The following SYNDIG1 variants were observed in gnomAD, a reference collection of about 807,000 sequenced individuals.
SYNDIG1 encodes the protein synapse differentiation-inducing gene protein 1.
SYNDIG1 carries 9 observed loss-of-function variants against 19.4 expected under a neutral mutation model. The ratio of observed to expected loss-of-function variants is 0.46; its 90% CI spans 0.28 to 0.81. The LOEUF is 0.81. Among genes scored for constraint, SYNDIG1 ranks in the 30% least tolerant of loss-of-function variants. SYNDIG1 has a pLI of 0.12. For missense variants in SYNDIG1, 311 were observed against 343.3 expected (o/e 0.91, Z 0.74); for synonymous variants, 141 against 145.9 (o/e 0.97, Z 0.24).
chr20:24,621,385 A>G (rs997329951), intron 3 of SYNDIG1, among the ~76,000 whole-genome samples: 8 of 152,240 alleles, frequency 5.3e-5, no homozygotes, highest in African/African-American at 9.6e-5. Context: ...GTAAACACCA[A>G]TTTGGCATTC....
intron 3 of SYNDIG1, among the ~76,000 whole-genome samples, chr20:24,648,926 TA>T (rs2059444943): frequency 1.3e-5 from 2 of 152,252 alleles, no homozygotes; most frequent in African/African-American, 4.8e-5. Context: ...TATTCAGTTA[TA>T]TCTTGGATAT....
In SYNDIG1 at chr20:24,543,215, G is replaced by T. The variant is rs757683807; in HGVS notation, c.118G>T (p.Val40Leu). ...NLMAESRDGL[V>L]SVYPAPQYQS... ...GATGGCCGAGAGCAGAGATGGTCTG[G>T]TGTCTGTTTACCCAGCGCCCCAGTA... is the stretch of plus-strand genomic sequence containing the variant. Residue 40 changes from valine (V) to leucine (L), a missense_variant, in exon 2 of 4, where the codon GTG (valine) becomes TTG (leucine). By Grantham distance (32) the Val-to-Leu change is conservative. Coordinates refer to ENST00000376862, the MANE Select transcript of SYNDIG1 (RefSeq NM_024893.3). 98 of 1,613,894 alleles carry T rather than the reference G, an allele frequency of 6.1e-5. No individual in the cohort carries two copies. The highest frequency in any genetic ancestry group is 7.8e-5 in the Non-Finnish European group (92 of 1,180,044).
At chr20:24,509,811 A>AT (rs1432828028) in intron 1 of SYNDIG1, among the ~76,000 whole-genome samples, 3 of 152,218 alleles carry the variant, frequency 2.0e-5, no homozygotes, top group Non-Finnish European at 4.4e-5. Context: ...GTTTGGATGT[A>AT]TGTCCCCAGT....
chr20:24,619,042 A>C (rs2058996354), intron 3 of SYNDIG1, among the ~76,000 whole-genome samples: 1 of 152,214 alleles, frequency 6.6e-6, no homozygotes, highest in Non-Finnish European at 1.5e-5. Flanking sequence ...ACTGAGGTTT[A>C]CAGTCTCTTT....
chr20:24,535,997 G>A (rs1030853304), intron 1 of SYNDIG1, among the ~76,000 whole-genome samples: 9 of 152,142 alleles, frequency 5.9e-5, no homozygotes, highest in Non-Finnish European at 1.2e-4. Flanking sequence ...ATTCATTTGC[G>A]GCTGCTATTG....
chr20:24,540,357 T>G (rs906202518), intron 1 of SYNDIG1, among the ~76,000 whole-genome samples: 1 of 152,200 alleles, frequency 6.6e-6, no homozygotes, highest in Non-Finnish European at 1.5e-5. Flanking sequence ...CCTTTCCAAT[T>G]AAGTGCCTTT....
At chr20:24,559,783 A>G (rs1479528778) in intron 2 of SYNDIG1, among the ~76,000 whole-genome samples, 2 of 152,114 alleles carry the variant, frequency 1.3e-5, no homozygotes, top group East Asian at 1.9e-4. Context: ...CACTTGTAAC[A>G]TGTCACTCTG....
chr20:24,525,409 C>T (rs527397602), intron 1 of SYNDIG1, among the ~76,000 whole-genome samples: 1 of 151,084 alleles, frequency 6.6e-6, no homozygotes, highest in African/African-American at 2.4e-5. Flanking sequence ...CTCCACCTCC[C>T]GAGTAGCTGG....
intron 3 of SYNDIG1, among the ~76,000 whole-genome samples, chr20:24,617,184 G>A (rs1439108474): frequency 3.9e-5 from 6 of 152,134 alleles, no homozygotes; most frequent in African/African-American, 1.4e-4. Context: ...CCTGCAGCAC[G>A]GGGCCTGCAC....
chr20:24,479,153 CA>C (rs1469646185), intron 1 of SYNDIG1, among the ~76,000 whole-genome samples: 1 of 152,170 alleles, frequency 6.6e-6, no homozygotes, highest in Non-Finnish European at 1.5e-5. Context: ...AGAGTAAAAA[CA>C]AGGATGCAAA....
chr20:24,621,108 G>A (rs2059031407), intron 3 of SYNDIG1, among the ~76,000 whole-genome samples: 1 of 152,200 alleles, frequency 6.6e-6, no homozygotes, highest in African/African-American at 2.4e-5. Context: ...TATTTTAAGA[G>A]TGTTAAAAAA....
intron 3 of SYNDIG1, among the ~76,000 whole-genome samples, chr20:24,654,370 T>G (rs1283787739): frequency 6.6e-6 from 1 of 152,082 alleles, no homozygotes; most frequent in Non-Finnish European, 1.5e-5. Context: ...GTTAATATTT[T>G]CAGAGAGATA....
chr20:24,500,423 G>A (rs1196573094), intron 1 of SYNDIG1, among the ~76,000 whole-genome samples: 2 of 152,084 alleles, frequency 1.3e-5, no homozygotes, highest in Non-Finnish European at 2.9e-5. Flanking sequence ...AGGCATTTCA[G>A]TATCAACTTA....
intron 2 of SYNDIG1, among the ~76,000 whole-genome samples, chr20:24,569,519 A>G (rs1568649803): frequency 6.6e-6 from 1 of 152,196 alleles, no homozygotes; most frequent in Admixed American, 6.5e-5. Flanking sequence ...GACTTGCCCA[A>G]GGGTCTCAGC....
Position 24,522,640 on chromosome 20 carries a change from C to T in SYNDIG1, c.-78-20380C>T, listed in dbSNP as rs183452267. Among the ~76,000 whole-genome samples, 4 of 152,262 alleles carry T rather than the reference C, an allele frequency of 2.6e-5. 1 individual carries two copies. The East Asian group carries it at 7.7e-4, about 29-fold the overall frequency. ...CTTACCCACACTGTTTCTCTCTTCC[C>T]CATTGGCCTTCTGTATTAGTCCGTT... On this transcript the variant is annotated intron_variant, in intron 1 of 3. Transcript: ENST00000376862.
Position 24,577,536 on chromosome 20 carries a change from T to G in SYNDIG1, c.481-7320T>G, listed in dbSNP as rs147492698. ...TTCTGTGGGAGTGGAAGCTCTTGCC[T>G]GGAGACCTCAAAGGCAGCTGGGTCC... is the stretch of plus-strand genomic sequence containing the variant. On this transcript the variant is annotated intron_variant, in intron 2 of 3. Transcript: ENST00000376862. Among the ~76,000 whole-genome samples the G allele has an allele frequency of 3.1e-3, 476 of 152,352 alleles. 2 individuals carry two copies. The highest frequency in any genetic ancestry group is 5.3e-3 in the Non-Finnish European group (358 of 68,026).
At chr20:24,533,062 G>A (rs1270400786) in intron 1 of SYNDIG1, among the ~76,000 whole-genome samples, 1 of 152,012 alleles carries the variant, frequency 6.6e-6, no homozygotes, top group African/African-American at 2.4e-5. Context: ...TTAGGGGCAG[G>A]ATTAGATTAC....
intron 1 of SYNDIG1, among the ~76,000 whole-genome samples, chr20:24,493,799 G>A (rs1213231019): frequency 6.6e-6 from 1 of 152,218 alleles, no homozygotes; most frequent in Non-Finnish European, 1.5e-5. Flanking sequence ...GCAGCCGCAA[G>A]CTCAGAGGGG....
At chr20:24,625,002 T>C (rs2059101105) in intron 3 of SYNDIG1, among the ~76,000 whole-genome samples, 1 of 152,202 alleles carries the variant, frequency 6.6e-6, no homozygotes, top group East Asian at 1.9e-4. Flanking sequence ...CAACTTAGTG[T>C]ACATGAAAAT....
Sources: gnomAD v4.1 joint callset for allele counts (sites outside exome capture counted in the v4.1 genomes callset) on GRCh38, gnomAD v4.1.1 for gene constraint, MANE v1.5 for transcripts, NCBI Gene and HGNC (gene_info 2026-07-23, HGNC 2026-07-21) for gene names.